The following CHSY3 variants were observed in gnomAD, a reference collection of about 807,000 sequenced individuals.
CHSY3 encodes chondroitin sulfate synthase 3.
A neutral mutation model predicts 67.2 loss-of-function variants in CHSY3; 35 were observed. The observed-to-expected ratio is 0.52, with a 90% CI of 0.40 to 0.69. CHSY3 has a LOEUF of 0.69. CHSY3 is among the 30% of genes least tolerant of loss of function. CHSY3 has a pLI of 0.00. For synonymous variants in CHSY3, 474 were observed against 434.7 expected (o/e 1.09, Z -1.12); for missense variants, 1,069 against 1,138.5 (o/e 0.94, Z 0.88).
intron 2 of CHSY3, among the ~76,000 whole-genome samples, chr5:129,963,050 A>G (rs559576627): frequency 6.6e-6 from 1 of 151,992 alleles, no homozygotes; most frequent in East Asian, 1.9e-4. Flanking sequence ...CTCCAGTGGT[A>G]AAGCCGGAAT....
intron 2 of CHSY3, among the ~76,000 whole-genome samples, chr5:130,009,008 G>C (rs1338915486): frequency 7.9e-6 from 1 of 125,842 alleles, no homozygotes; most frequent in Admixed American, 8.8e-5. Context: ...CCCTTAAGGA[G>C]AGGGAGAGAG....
intron 2 of CHSY3, among the ~76,000 whole-genome samples, chr5:129,919,458 AAAG>A (rs1450847929): frequency 2.6e-5 from 4 of 152,174 alleles, no homozygotes; most frequent in Non-Finnish European, 4.4e-5. Context: ...TTATAAAGAA[AAAG>A]AGGTTTAATG....
intron 2 of CHSY3, among the ~76,000 whole-genome samples, chr5:130,169,609 A>G (rs1466867610): frequency 2.0e-5 from 3 of 151,926 alleles, no homozygotes; most frequent in African/African-American, 7.2e-5. Context: ...GAATGATATA[A>G]TGTTTATGCA....
chr5:130,022,026 T>A (rs1263107856), intron 2 of CHSY3, among the ~76,000 whole-genome samples: 1 of 152,046 alleles, frequency 6.6e-6, no homozygotes, highest in African/African-American at 2.4e-5. Flanking sequence ...ATTAGGTCAT[T>A]TGCTGGGAAG....
At chr5:130,130,918 C>G (rs750289690) in intron 2 of CHSY3, among the ~76,000 whole-genome samples, 1 of 152,166 alleles carries the variant, frequency 6.6e-6, no homozygotes, top group Non-Finnish European at 1.5e-5. Flanking sequence ...TTTCATGATT[C>G]TATCTGGGTA....
chr5:130,159,597 GGCTGTATAAATAAGTGAA>G lies in CHSY3; in HGVS notation c.1087-24630_1087-24613del, dbSNP rs746273497. On this transcript the variant is annotated intron_variant, in intron 2 of 2. Transcript: ENST00000305031. Reference sequence around the variant, plus strand: ...TGCTTTTTTTCATTTTTCCAATTGAGGCTGTATAAATAAGTGAAGTAAAAGTTTGAATGCAATATCTAG... The same window carrying G: ...TGCTTTTTTTCATTTTTCCAATTGAGGTAAAAGTTTGAATGCAATATCTAG... 2.5e-4 allele frequency among the ~76,000 whole-genome samples: 38 copies of G among 152,122 alleles called. 1 individual carries two copies. The highest frequency in any genetic ancestry group is 2.0e-3 in the Admixed American group (31 of 15,286).
At chr5:130,127,435 T>C (rs13184202) in intron 2 of CHSY3, among the ~76,000 whole-genome samples, 50,476 of 151,656 alleles carry the variant, frequency 0.33, 8,872 homozygotes, top group Admixed American at 0.43. Flanking sequence ...AAATGTAGAT[T>C]CTGGGTTGCA....
chr5:130,096,296 C>T (rs369124291), intron 2 of CHSY3, among the ~76,000 whole-genome samples: 1 of 152,262 alleles, frequency 6.6e-6, no homozygotes, highest in African/African-American at 2.4e-5. Flanking sequence ...CTCAGTCTTC[C>T]GAGTAGCTGA....
chr5:130,169,359 T>A (rs905894805), intron 2 of CHSY3, among the ~76,000 whole-genome samples: 2 of 152,090 alleles, frequency 1.3e-5, no homozygotes, highest in Admixed American at 6.6e-5. Context: ...TAAAAAACAA[T>A]TAACACTGAA....
chr5:130,038,042 C>G (rs555591152), intron 2 of CHSY3, among the ~76,000 whole-genome samples: 1 of 152,020 alleles, frequency 6.6e-6, no homozygotes, highest in East Asian at 1.9e-4. Flanking sequence ...CTTTCATTAG[C>G]CCCTGTGGTA....
chr5:130,102,596 C>A (rs1767282679), intron 2 of CHSY3, among the ~76,000 whole-genome samples: 1 of 151,988 alleles, frequency 6.6e-6, no homozygotes, highest in Non-Finnish European at 1.5e-5. Flanking sequence ...TCAGATGGGG[C>A]TAGTCACATT....
At position 129,905,672 on chromosome 5, in the gene CHSY3, C is replaced by G. The variant is rs746598092; in HGVS notation, c.802+41C>G. 2.0e-5 allele frequency: 32 copies of G among 1,600,540 alleles called. No individual in the cohort carries two copies. The African/African-American group carries it at 2.5e-4, about 13-fold the overall frequency. On this transcript the variant is annotated intron_variant, in intron 1 of 2. Transcript: ENST00000305031. ...CGGCTTTCCAGCCTGCCAGTCTCCC[C>G]GACTCCTTTCTCTGTAACCGGTCCT... is the stretch of plus-strand genomic sequence containing the variant.
intron 2 of CHSY3, among the ~76,000 whole-genome samples, chr5:130,119,789 A>T (rs898198698): frequency 3.9e-5 from 6 of 152,150 alleles, no homozygotes; most frequent in Non-Finnish European, 8.8e-5. Context: ...TTTTCTACTT[A>T]CTATCACTCC....
chr5:130,036,608 C>T (rs1329273817), intron 2 of CHSY3, among the ~76,000 whole-genome samples: 2 of 152,090 alleles, frequency 1.3e-5, no homozygotes, highest in South Asian at 2.1e-4. Context: ...ACCTTGGAGC[C>T]CTACAGATCT....
chr5:130,067,088 G>C (rs1385752222), intron 2 of CHSY3, among the ~76,000 whole-genome samples: 1 of 152,030 alleles, frequency 6.6e-6, no homozygotes, highest in Non-Finnish European at 1.5e-5. Flanking sequence ...AAAAATCTGT[G>C]GTGACTTTGG....
intron 2 of CHSY3, among the ~76,000 whole-genome samples, chr5:130,012,646 T>A (rs1390825488): frequency 6.6e-6 from 1 of 152,160 alleles, no homozygotes; most frequent in African/African-American, 2.4e-5. Context: ...AGAACTCATT[T>A]GCTATCATGA....
intron 2 of CHSY3, among the ~76,000 whole-genome samples, chr5:130,091,744 G>A (rs1766887720): frequency 6.6e-6 from 1 of 152,140 alleles, no homozygotes; most frequent in Non-Finnish European, 1.5e-5. Context: ...TAGATAGGGG[G>A]AAATGGCATT....
chr5:130,182,794 AT>A (rs1302836939), intron 2 of CHSY3, among the ~76,000 whole-genome samples: 2 of 151,604 alleles, frequency 1.3e-5, no homozygotes, highest in East Asian at 1.9e-4. Flanking sequence ...TACTTTGCTA[AT>A]TTTTTTCAAG....
At chr5:130,183,209 G>A (rs1378404916) in intron 2 of CHSY3, among the ~76,000 whole-genome samples, 1 of 151,902 alleles carries the variant, frequency 6.6e-6, no homozygotes. Context: ...GGAAGAATCA[G>A]CTGGCGGTTT....
Sources: gnomAD v4.1 joint callset for allele counts (sites outside exome capture counted in the v4.1 genomes callset) on GRCh38, gnomAD v4.1.1 for gene constraint, MANE v1.5 for transcripts, NCBI Gene and HGNC (gene_info 2026-07-23, HGNC 2026-07-21) for gene names.